ADAMTS20: variants seen among roughly 807,000 people sequenced by gnomAD.
The protein encoded by ADAMTS20 is A disintegrin and metalloproteinase with thrombospondin motifs 20.
Under a neutral mutation model 260.1 loss-of-function variants are expected in ADAMTS20, and 225 were observed. The ratio of observed to expected loss-of-function variants is 0.87; its 90% CI spans 0.78 to 0.97. The LOEUF (loss-of-function observed/expected upper bound fraction) is 0.97. Ranked by LOEUF, ADAMTS20 falls within the 50% of genes least tolerant of loss-of-function variation. ADAMTS20 has a pLI of 0.00. For missense variants in ADAMTS20, 2,400 were observed against 2,337.7 expected (o/e 1.03, Z -0.55); for synonymous variants, 802 against 769.5 (o/e 1.04, Z -0.70).
chr12:43,380,393 T>C (rs527743060), intron 31 of ADAMTS20, among the ~76,000 whole-genome samples: 1 of 152,144 alleles, frequency 6.6e-6, no homozygotes, highest in Non-Finnish European at 1.5e-5. Context: ...AAATGTCTGT[T>C]TTTACCACTT....
At chr12:43,427,498 C>A in intron 26 of ADAMTS20, 29 bp from the exon 27 acceptor site, 2 of 1,556,540 alleles carry the variant, frequency 1.3e-6, no homozygotes, top group Non-Finnish European at 1.7e-6. Context: ...AAAATATGCA[C>A]AAACTGCGGA....
In ADAMTS20 at chr12:43,431,331, C is replaced by T. The variant is rs374125739; in HGVS notation, c.3261+1G>A. The T allele has an allele frequency of 1.2e-6, 2 of 1,613,454 alleles. No individual in the cohort carries two copies. The highest frequency in any genetic ancestry group is 1.7e-5 in the Admixed American group (1 of 59,984). On this transcript the variant is annotated splice_donor_variant, in intron 22 of 38. Transcript: ENST00000389420. LOFTEE classifies it high-confidence loss of function. ...TAGAAAAACCCATATCATATACTCA[C>T]AGGACCCCATGGTCCTACTTGCCAG...
chr12:43,452,298 G>A lies in ADAMTS20; in HGVS notation c.2055C>T (p.Asp685=). The A allele has an allele frequency of 6.2e-7, 1 of 1,612,400 alleles. No homozygotes were observed. The highest frequency in any genetic ancestry group is 1.1e-5 in the South Asian group (1 of 90,738). ...CCATACACTGGCCTTGAACACAGAT[G>A]TCATGAGTTTCAGTTCCACAAGGAG... is the stretch of plus-strand genomic sequence containing the variant. ...DGTPCGTETH[D]ICVQGQCMAA... The change falls in exon 14 of 39, where the codon GAC becomes GAT. Residue 685 remains aspartate (D), a synonymous_variant. Transcript: ENST00000389420.
Position 43,430,403 on chromosome 12 carries a change from T to C in ADAMTS20, c.3330A>G (p.Ala1110=), listed in dbSNP as rs574764353. 2.1e-5 allele frequency: 34 copies of C among 1,613,226 alleles called. No homozygotes were observed. In the Middle Eastern group the frequency reaches 5.0e-4, roughly 24 times the overall value. ...DVKCVNELAS[A]VLEDTECHEA... is the part of the protein sequence containing the mutation. The stretch of plus-strand genomic sequence containing the variant: ...CATGGCATTCTGTGTCCTCTAACAC[T>C]GCACTAGCTAGCTCATTGACACATT... The change falls in exon 23 of 39, where the codon GCA becomes GCG. Residue 1110 remains alanine, a synonymous_variant. Transcript: ENST00000389420.
Position 43,431,452 on chromosome 12 carries a change from C to A in ADAMTS20, c.3141G>T (p.Trp1047Cys). 6.2e-7 allele frequency: 1 copy of A among 1,613,950 alleles called. No homozygotes were observed. Residue 1047 changes from tryptophan to cysteine, a missense_variant, in exon 22 of 39, where the codon TGG becomes TGT. Physicochemically the swap from Trp to Cys is radical, Grantham distance 215 (BLOSUM62 -2). Transcript: ENST00000389420. ...CGKGTKQRQV[W>C]CQLNVDHLSD... ...TCAAGTGATCTACATTCAGCTGACA[C>A]CATACCTGCCGCTGCTTTGTTCCTT... is the stretch of plus-strand genomic sequence containing the variant.
chr12:43,367,736 A>G (rs1382958032), intron 37 of ADAMTS20, among the ~76,000 whole-genome samples: 1 of 152,102 alleles, frequency 6.6e-6, no homozygotes, highest in African/African-American at 2.4e-5. Flanking sequence ...ATTGAGGAGG[A>G]AGTAAAATTA....
In ADAMTS20 at chr12:43,551,156, T is replaced by C; in HGVS notation, c.206A>G (p.Glu69Gly). The C allele has an allele frequency of 6.2e-7, 1 of 1,613,904 alleles. No homozygotes were observed. The highest frequency in any genetic ancestry group is 8.5e-7 in the Non-Finnish European group (1 of 1,179,858). The change falls in exon 2 of 39, where the codon GAG (glutamate) becomes GGG (glycine). Residue 69 changes from glutamate (E) to glycine (G), a missense_variant. Transcript: ENST00000389420. The surrounding 1 kb of genome is among the most constrained non-coding windows in gnomAD (Gnocchi z 4.6). ...TCGGAACGGCATGGGTTCCAGCGCC[T>C]CGGAGCTGCGTTTCTGCCGGCTGAA... ...HHFSRQKRSS[E>G]ALEPMPFRTH...
chr12:43,354,141 G>T lies in ADAMTS20; in HGVS notation c.*68C>A. On this transcript the variant is annotated 3_prime_UTR_variant, in exon 39 of 39. Transcript: ENST00000389420. ...CTCGGGAAGGGAGATATAAAGAAAT[G>T]AGCACCAGTTATTTGAATATTCCAG... The T allele has an allele frequency of 8.3e-7, 1 of 1,199,868 alleles. No homozygotes were observed. Among genetic ancestry groups the T allele is most frequent in the South Asian group, 1.4e-5 (1 of 69,130 alleles). The allele number at this position is 1,199,868 out of a possible 1,614,324, so 74.3% of individuals were successfully genotyped here. A position where few individuals can be genotyped will look rare whatever the true frequency, so the allele number is the denominator to read the frequency against.
chr12:43,524,794 T>A (rs187706326), intron 3 of ADAMTS20, among the ~76,000 whole-genome samples: 2 of 152,228 alleles, frequency 1.3e-5, no homozygotes, highest in Admixed American at 1.3e-4. Flanking sequence ...TTCAAATTAA[T>A]CTAATCAGAC....
At chr12:43,427,497 A>G (rs1179692016) in intron 26 of ADAMTS20, 28 bp from the exon 27 acceptor site, 1 of 1,572,120 alleles carries the variant, frequency 6.4e-7, no homozygotes. Context: ...CAAAATATGC[A>G]CAAACTGCGG....
At chr12:43,440,860 C>T (rs920394713) in intron 16 of ADAMTS20, among the ~76,000 whole-genome samples, 1 of 152,062 alleles carries the variant, frequency 6.6e-6, no homozygotes, top group Non-Finnish European at 1.5e-5. Context: ...GTCAGGAGAT[C>T]GAGATCATCC....
chr12:43,426,183 C>A (rs949615392), intron 27 of ADAMTS20, among the ~76,000 whole-genome samples: 1 of 152,040 alleles, frequency 6.6e-6, no homozygotes, highest in African/African-American at 2.4e-5. Context: ...AACAAAACAG[C>A]TGTATAATGT....
At chr12:43,409,211 AT>A (rs937513029) in intron 28 of ADAMTS20, among the ~76,000 whole-genome samples, 1 of 152,174 alleles carries the variant, frequency 6.6e-6, no homozygotes, top group African/African-American at 2.4e-5. Flanking sequence ...TAATTAAAAA[AT>A]ATAACTAAAA....
intron 29 of ADAMTS20, among the ~76,000 whole-genome samples, chr12:43,385,953 T>C (rs983010001): frequency 6.6e-6 from 1 of 152,214 alleles, no homozygotes; most frequent in African/African-American, 2.4e-5. Flanking sequence ...GAGGTGTTTA[T>C]AGTATTCTTT....
intron 11 of ADAMTS20, among the ~76,000 whole-genome samples, chr12:43,461,427 C>T (rs1942063620): frequency 6.6e-6 from 1 of 151,966 alleles, no homozygotes; most frequent in African/African-American, 2.4e-5. Context: ...ACCTTAATTT[C>T]AAAAAATCAT....
chr12:43,486,625 A>G (rs1395519808), intron 7 of ADAMTS20, among the ~76,000 whole-genome samples: 2 of 152,226 alleles, frequency 1.3e-5, no homozygotes, highest in African/African-American at 2.4e-5. Flanking sequence ...AGAAATAATC[A>G]TCAGAGTAAA....
At chr12:43,425,973 A>G (rs528162209) in intron 27 of ADAMTS20, among the ~76,000 whole-genome samples, 2 of 152,300 alleles carry the variant, frequency 1.3e-5, no homozygotes, top group East Asian at 3.9e-4. Context: ...TATTTCAGTA[A>G]GATATCCAGG....
chr12:43,400,302 G>T (rs892323557), intron 28 of ADAMTS20, among the ~76,000 whole-genome samples: 2 of 151,824 alleles, frequency 1.3e-5, no homozygotes, highest in Non-Finnish European at 2.9e-5. Context: ...AACACATTAT[G>T]CATTTTATGC....
Position 43,551,264 on chromosome 12 carries a change from A to G in ADAMTS20, c.98T>C (p.Leu33Pro), listed in dbSNP as rs1277930274. 1 of 1,610,168 alleles carries G rather than the reference A, an allele frequency of 6.2e-7. No homozygotes were observed. The highest frequency in any genetic ancestry group is 1.7e-5 in the Admixed American group (1 of 59,924). The change falls in exon 2 of 39, where the codon CTG becomes CCG. Residue 33 changes from leucine to proline, a missense_variant. Transcript: ENST00000389420. This position sits in a 1 kb window ranked among gnomAD's most constrained non-coding sequence, Gnocchi z 4.6. ...EVDFHPRQEA[L>P]VRTLTSYEVV... ...TTCGTAGGAGGTCAGTGTCCTCACC[A>G]GGGCTTCTGCAACAACAGCGACAGG...
Sources: gnomAD v4.1 joint callset for allele counts (sites outside exome capture counted in the v4.1 genomes callset) on GRCh38, gnomAD v4.1.1 for gene constraint, Gnocchi (gnomAD v3.1) non-coding constraint, MANE v1.5 for transcripts, NCBI Gene and HGNC (gene_info 2026-07-23, HGNC 2026-07-21) for gene names.